The following TTC21B variants were observed in gnomAD, a reference collection of about 807,000 sequenced individuals.
TTC21B encodes tetratricopeptide repeat protein 21B.
Under a neutral mutation model 175.1 loss-of-function variants are expected in TTC21B, and 127 were observed. The ratio of observed to expected loss-of-function variants is 0.73; its 90% CI spans 0.63 to 0.84. The LOEUF (loss-of-function observed/expected upper bound fraction) is 0.84, where lower values mean the gene tolerates loss of function less well. Ranked by LOEUF, TTC21B falls within the 40% of genes least tolerant of loss-of-function variation. The pLI is 0.00. For missense variants in TTC21B, 1,561 were observed against 1,558.3 expected (o/e 1.00, Z -0.03); for synonymous variants, 524 against 524.5 (o/e 1.00, Z 0.01).
rs149554892 is a variant in TTC21B, at chr2:165,897,345, T to C, written c.2950+1341A>G. On this transcript the variant is annotated intron_variant, in intron 22 of 28. Coordinates refer to ENST00000243344, the MANE Select transcript of TTC21B (RefSeq NM_024753.5). ...CACTAACAGAGGTGGTAAAAAGTGA[T>C]GGCATTCTAGGTATACTTTGAATGT... Among the ~76,000 whole-genome samples, 454 of 152,304 alleles carry C rather than the reference T, an allele frequency of 3.0e-3. 4 individuals carry two copies. The highest frequency in any genetic ancestry group is 0.01 in the African/African-American group (436 of 41,556).
intron 28 of TTC21B, among the ~76,000 whole-genome samples, 158 bp from the exon 29 acceptor site, chr2:165,874,990 A>T (rs897012213): frequency 3.3e-5 from 5 of 152,238 alleles, no homozygotes; most frequent in African/African-American, 1.2e-4. Context: ...TAAATGTAAC[A>T]TGATGACTCC....
At position 165,915,346 on chromosome 2, in the gene TTC21B, G is replaced by C. The variant is rs758046280; in HGVS notation, c.1993C>G (p.Leu665Val). The change falls in exon 15 of 29, where the codon CTA becomes GTA. Residue 665 changes from leucine (L) to valine (V), a missense_variant. Leu to Val is a conservative substitution (Grantham distance 32, BLOSUM62 1). Transcript: ENST00000243344. ...GCCCGTTCAATATCTCCTTGGGCTAGAGCAAGGTCTGCATTAGCAATGGTA... is the reference window on the plus strand; with the variant it reads ...GCCCGTTCAATATCTCCTTGGGCTACAGCAAGGTCTGCATTAGCAATGGTA... The part of the protein sequence containing the change: ...RVTIANADLA[L>V]AQGDIERALS... The C allele has an allele frequency of 2.0e-5, 33 of 1,613,946 alleles. No homozygotes were observed. The highest frequency in any genetic ancestry group is 3.3e-4 in the Middle Eastern group (2 of 6,080).
intron 12 of TTC21B, among the ~76,000 whole-genome samples, chr2:165,920,637 T>C (rs1686354510): frequency 6.6e-6 from 1 of 151,882 alleles, no homozygotes; most frequent in Non-Finnish European, 1.5e-5. Flanking sequence ...GCATAGAGAA[T>C]TAGGGTTTGC....
At chr2:165,946,169 CAAA>C (rs3032577) in intron 3 of TTC21B, among the ~76,000 whole-genome samples, 113 of 116,550 alleles carry the variant, frequency 9.7e-4, no homozygotes, top group East Asian at 2.2e-3. Flanking sequence ...ACTAAAGATA[CAAA>C]AAAAAAAAAA....
At chr2:165,884,136 T>A in intron 25 of TTC21B, 118 bp from the exon 26 acceptor site, 1 of 808,800 alleles carries the variant, frequency 1.2e-6, no homozygotes, top group Non-Finnish European at 2.1e-6. Context: ...CTAGCTCCAT[T>A]ACAGATAACT....
At chr2:165,891,297 C>A (rs1019775355) in intron 22 of TTC21B, among the ~76,000 whole-genome samples, 1 of 152,102 alleles carries the variant, frequency 6.6e-6, no homozygotes, top group Non-Finnish European at 1.5e-5. Context: ...CCTAGGTAAT[C>A]TAGACTTTCA....
intron 15 of TTC21B, among the ~76,000 whole-genome samples, chr2:165,914,644 G>A (rs558268124): frequency 1.9e-4 from 9 of 48,642 alleles, no homozygotes; most frequent in Non-Finnish European, 3.7e-4. Flanking sequence ...TTGGGGAGAA[G>A]AGGAAGAGCA....
At chr2:165,927,331 A>AATATATAATAT (rs1378596948) in intron 11 of TTC21B, among the ~76,000 whole-genome samples, 1 of 89,324 alleles carries the variant, frequency 1.1e-5, no homozygotes, top group Non-Finnish European at 2.3e-5. Flanking sequence ...ATATATATAT[A>AATATATAATAT]ATATATAATA....
intron 3 of TTC21B, chr2:165,948,260 T>C (rs1227400095): frequency 3.1e-5 from 2 of 64,232 alleles, no homozygotes; most frequent in Non-Finnish European, 1.2e-4. Context: ...AATTATAAAC[T>C]CATGTTTCAT....
chr2:165,888,481 A>G lies in TTC21B; in HGVS notation c.3264-7T>C. The G allele has an allele frequency of 6.3e-7, 1 of 1,596,562 alleles. No homozygotes were observed. Among genetic ancestry groups the G allele is most frequent in the Non-Finnish European group, 8.6e-7 (1 of 1,165,818 alleles). ...TTGCTTCTCAGTTGAATTACTGTAT[A>G]TAATTAAAAATAAATCACTTCTGTC... On this transcript the variant is annotated splice_region_variant and splice_polypyrimidine_tract_variant and intron_variant, in intron 24 of 28. Transcript: ENST00000243344.
intron 15 of TTC21B, among the ~76,000 whole-genome samples, chr2:165,914,730 T>C (rs1686099582): frequency 1.6e-5 from 2 of 126,284 alleles, no homozygotes; most frequent in South Asian, 2.5e-4. Context: ...AGGGCATCAG[T>C]GTGACATACT....
At position 165,929,218 on chromosome 2, in the gene TTC21B, G is replaced by C; in HGVS notation, c.1303C>G (p.Leu435Val). Reference sequence around the variant, plus strand: ...AGCTTTTCAAAATACTGTATGCCAAGAGGCAAACCTTCTAATTGTGAAAAG... The same window carrying C: ...AGCTTTTCAAAATACTGTATGCCAACAGGCAAACCTTCTAATTGTGAAAAG... The part of the protein sequence containing the change: ...THFSQLEGLP[L>V]GIQYFEKLNP... Residue 435 changes from leucine (L) to valine (V), a missense_variant, in exon 11 of 29, where the codon CTT becomes GTT. Coordinates refer to ENST00000243344, the MANE Select transcript of TTC21B (RefSeq NM_024753.5). 1 of 1,612,990 alleles carries C rather than the reference G, an allele frequency of 6.2e-7. No homozygotes were observed. Among genetic ancestry groups the C allele is most frequent in the Non-Finnish European group, 8.5e-7 (1 of 1,179,294 alleles).
chr2:165,939,526 A>C lies in TTC21B; in HGVS notation c.710+1501T>G, dbSNP rs188952927. On this transcript the variant is annotated intron_variant, in intron 6 of 28. Transcript: ENST00000243344. The stretch of plus-strand genomic sequence containing the variant: ...TTTCAGTATTAAGTGACATGAATTC[A>C]TCTGTTAGAAAGTATTGATTTGTGA... 5.7e-4 allele frequency among the ~76,000 whole-genome samples: 87 copies of C among 152,308 alleles called. 1 individual carries two copies. Among genetic ancestry groups the C allele is most frequent in the African/African-American group, 2.0e-3 (83 of 41,566 alleles).
intron 15 of TTC21B, among the ~76,000 whole-genome samples, 167 bp from the exon 16 acceptor site, chr2:165,913,813 C>T (rs979394862): frequency 1.1e-4 from 17 of 152,124 alleles, no homozygotes; most frequent in African/African-American, 3.9e-4. Context: ...ATACCCACAC[C>T]CAAATTGTTT....
At chr2:165,933,743 A>G (rs879771881) in intron 6 of TTC21B, 1 of 152,226 alleles carries the variant, frequency 6.6e-6, no homozygotes, top group Admixed American at 6.5e-5. Flanking sequence ...ACTAACTACA[A>G]AAGTTGGAGT....
intron 18 of TTC21B, among the ~76,000 whole-genome samples, chr2:165,908,475 T>A (rs931413576): frequency 3.3e-5 from 5 of 152,164 alleles, no homozygotes; most frequent in Non-Finnish European, 7.4e-5. Flanking sequence ...ATGTTTTGTG[T>A]CTAAGAACAA....
intron 6 of TTC21B, among the ~76,000 whole-genome samples, chr2:165,934,422 A>G (rs2105350399): frequency 6.7e-6 from 1 of 149,938 alleles, no homozygotes; most frequent in East Asian, 2.0e-4. Context: ...GAATCACTTG[A>G]ACCCGGGAGG....
At chr2:165,907,806 T>C (rs762121360) in intron 18 of TTC21B, 22 bp from the exon 19 acceptor site, 2 of 1,476,180 alleles carry the variant, frequency 1.4e-6, no homozygotes, top group Non-Finnish European at 1.9e-6. Context: ...TGGAATGTAA[T>C]GCAAAAAATT....
intron 21 of TTC21B, among the ~76,000 whole-genome samples, chr2:165,899,482 G>C (rs559629133): frequency 2.0e-5 from 3 of 152,018 alleles, no homozygotes; most frequent in Non-Finnish European, 4.4e-5. Flanking sequence ...GCAAATTATA[G>C]TGTTACCACA....
Sources: gnomAD v4.1 joint callset for allele counts (sites outside exome capture counted in the v4.1 genomes callset) on GRCh38, gnomAD v4.1.1 for gene constraint, MANE v1.5 for transcripts, NCBI Gene and HGNC (gene_info 2026-07-23, HGNC 2026-07-21) for gene names.